Variants in DUSP4 observed in about 807,000 individuals in gnomAD.
The protein encoded by DUSP4 is dual specificity phosphatase 4, also known as dual specificity protein phosphatase 4.
DUSP4 carries 12 observed loss-of-function variants against 27.2 expected under a neutral mutation model. That is an observed-to-expected ratio of 0.44 (90% CI 0.28 to 0.71). The LOEUF (loss-of-function observed/expected upper bound fraction) is 0.71, where lower values mean the gene tolerates loss of function less well. DUSP4 is among the 30% of genes least tolerant of loss of function. DUSP4 has a pLI of 0.14. For missense variants in DUSP4, 448 were observed against 551.3 expected, an observed-to-expected ratio of 0.81 and a Z score of 1.88; for synonymous variants, 257 against 245.2, an observed-to-expected ratio of 1.05 and a Z score of -0.45.
At chr8:29,340,471 T>C (rs925306435) in intron 1 of DUSP4, among the ~76,000 whole-genome samples, 1 of 152,076 alleles carries the variant, frequency 6.6e-6, no homozygotes, top group South Asian at 2.1e-4. Context: ...GGATAAGCTT[T>C]ATGGACAAGA....
intron 1 of DUSP4, among the ~76,000 whole-genome samples, chr8:29,343,366 T>C (rs1239455190): frequency 6.6e-6 from 1 of 151,988 alleles, no homozygotes; most frequent in Admixed American, 6.6e-5. Context: ...GTGAGAACGA[T>C]ATGTTCTGGG....
Position 29,337,553 on chromosome 8 carries a change from A to C in DUSP4, c.800-142T>G. 8.4e-7 allele frequency: 1 copy of C among 1,184,654 alleles called. No individual in the cohort carries two copies. Among genetic ancestry groups the C allele is most frequent in the Non-Finnish European group, 1.2e-6 (1 of 866,220 alleles). 73.4% of individuals were successfully genotyped at this position (1,184,654 alleles called of 1,614,324 possible). On this transcript the variant is annotated intron_variant, in intron 3 of 3. Coordinates refer to ENST00000240100, the MANE Select transcript of DUSP4 (RefSeq NM_001394.7). This position sits in a 1 kb window ranked among gnomAD's most constrained non-coding sequence, Gnocchi z 6.4. ...CAAGGACTGGAGAGGAAGAAAACCCATGTAGGCAGGTCTCTAGAATGCCCC... is the reference window on the plus strand; with the variant it reads ...CAAGGACTGGAGAGGAAGAAAACCCCTGTAGGCAGGTCTCTAGAATGCCCC...
chr8:29,338,207 A>C, intron 3 of DUSP4, 75 bp downstream of exon 3: 1 of 1,500,936 alleles, frequency 6.7e-7, no homozygotes, highest in Non-Finnish European at 9.2e-7. Context: ...TCCACCTTCA[A>C]CCCAGGCTTA....
intron 1 of DUSP4, chr8:29,345,787 A>G: frequency 3.2e-6 from 4 of 1,250,046 alleles, no homozygotes; most frequent in Non-Finnish European, 4.0e-6. Flanking sequence ...ATCTGTCTTT[A>G]GTTACTTTTG....
At chr8:29,344,801 T>C (rs1384768597) in intron 1 of DUSP4, among the ~76,000 whole-genome samples, 3 of 151,546 alleles carry the variant, frequency 2.0e-5, no homozygotes, top group Non-Finnish European at 4.4e-5. Flanking sequence ...TGGGGAAGAC[T>C]GTCCTTTGGT....
intron 1 of DUSP4, chr8:29,348,384 AG>A (rs1206071851): frequency 2.0e-6 from 2 of 985,532 alleles, no homozygotes; most frequent in African/African-American, 1.7e-5. Context: ...TTCCGGGACA[AG>A]CCCCTTCCTG....
rs560385139 is a variant in DUSP4, at chr8:29,337,026, C to T, written c.1185G>A (p.Ter395=). Residue 395 remains the stop codon, a stop_retained_variant, in exon 4 of 4, where the codon TAG becomes TAA. Coordinates refer to ENST00000240100, the MANE Select transcript of DUSP4 (RefSeq NM_001394.7). The surrounding 1 kb of genome is among the most constrained non-coding windows in gnomAD (Gnocchi z 6.4). The part of the protein sequence containing the change: ...HSPITTSPSC[*] ...TGGTTCTGGGGCCCCCAGGGCGGCT[C>T]TAACAGCTGGGAGAGGTGGTGATGG... is the stretch of plus-strand genomic sequence containing the variant. 5 of 1,595,058 alleles carry T rather than the reference C, an allele frequency of 3.1e-6. No individual in the cohort carries two copies. In the East Asian group the frequency reaches 1.1e-4, roughly 36 times the overall value.
intron 1 of DUSP4, among the ~76,000 whole-genome samples, chr8:29,342,081 A>G (rs1196206993): frequency 6.6e-6 from 1 of 152,108 alleles, no homozygotes; most frequent in Admixed American, 6.5e-5. Flanking sequence ...CCTGCACTCA[A>G]AAGTGAATGG....
At chr8:29,339,503 G>C (rs1817624672) in intron 2 of DUSP4, among the ~76,000 whole-genome samples, 1 of 152,174 alleles carries the variant, frequency 6.6e-6, no homozygotes, top group Admixed American at 6.5e-5. Context: ...AGGTCCCCCA[G>C]GGCTTCTGGA....
Position 29,340,185 on chromosome 8 carries a change from C to T in DUSP4, c.492G>A (p.Leu164=). The T allele has an allele frequency of 6.2e-7, 1 of 1,613,446 alleles. No individual in the cohort carries two copies. The change falls in exon 2 of 4, where the codon CTG becomes CTA. Residue 164 remains leucine (L), a synonymous_variant. Coordinates refer to ENST00000240100, the MANE Select transcript of DUSP4 (RefSeq NM_001394.7). ...GGGGAACCGGGGGTGGGATGGCTGC[C>T]AGGGCCTTGGTTTTAGAACAGAATT... ...YPEFCSKTKA[L]AAIPPPVPPS...
Position 29,337,057 on chromosome 8 carries a change from T to G in DUSP4, c.1154A>C (p.His385Pro), listed in dbSNP as rs1401295584. Residue 385 changes from histidine (H) to proline (P), a missense_variant, in exon 4 of 4, where the codon CAC (histidine) becomes CCC (proline). His to Pro is a moderately conservative substitution (Grantham distance 77). This residue lies in a region of DUSP4 where 100 missense variants were observed against 139.8 expected (regional missense o/e 0.72). Coordinates refer to ENST00000240100, the MANE Select transcript of DUSP4 (RefSeq NM_001394.7). This position sits in a 1 kb window ranked among gnomAD's most constrained non-coding sequence, Gnocchi z 6.4. ...HSAPSSLPYL[H>P]SPITTSPSC ...GCTGGGAGAGGTGGTGATGGGGCTGTGCAGGTAGGGCAGGCTGCTGGGGGC... is the reference window on the plus strand; with the variant it reads ...GCTGGGAGAGGTGGTGATGGGGCTGGGCAGGTAGGGCAGGCTGCTGGGGGC... 4.4e-6 allele frequency: 7 copies of G among 1,605,812 alleles called. No homozygotes were observed. The East Asian group carries it at 1.6e-4, about 36-fold the overall frequency.
chr8:29,340,256 A>C lies in DUSP4; in HGVS notation c.434-13T>G. The C allele has an allele frequency of 6.2e-7, 1 of 1,602,336 alleles. No homozygotes were observed. The highest frequency in any genetic ancestry group is 8.5e-7 in the Non-Finnish European group (1 of 1,174,214). ...CTCTCATAGCCGCCTGTAAAGGAGA[A>C]AGAAGCTCAGGTTAATGGGGTCACT... On this transcript the variant is annotated splice_polypyrimidine_tract_variant and intron_variant, in intron 1 of 3. Coordinates refer to ENST00000240100, the MANE Select transcript of DUSP4 (RefSeq NM_001394.7).
In DUSP4 at chr8:29,350,084, G is replaced by A; in HGVS notation, c.195C>T (p.Val65=). Residue 65 remains valine, a synonymous_variant, in exon 1 of 4, where the codon GTC becomes GTT. Transcript: ENST00000240100. The stretch of plus-strand genomic sequence containing the variant: ...GCACGATGGTGTTACAGCGCACGTT[G>A]ACCGAACCTAGGATGTAGCCCGCGC... The part of the protein sequence containing the change: ...AHSAGYILGS[V]NVRCNTIVRR... 6.2e-7 allele frequency: 1 copy of A among 1,607,334 alleles called. No homozygotes were observed. The highest frequency in any genetic ancestry group is 1.1e-5 in the South Asian group (1 of 90,618).
At chr8:29,341,245 T>C (rs1028646132) in intron 1 of DUSP4, among the ~76,000 whole-genome samples, 1 of 152,376 alleles carries the variant, frequency 6.6e-6, no homozygotes, top group Middle Eastern at 3.4e-3. Flanking sequence ...AACAAACCCA[T>C]TCAACTGACT....
At chr8:29,348,335 T>A in intron 1 of DUSP4, 2 of 985,580 alleles carry the variant, frequency 2.0e-6, no homozygotes, top group Non-Finnish European at 2.4e-6. Flanking sequence ...CCCACCCTGG[T>A]GGCCTAACCA....
Position 29,350,306 on chromosome 8 carries a change from G to A in DUSP4, c.-28C>T. 1 of 1,550,124 alleles carries A rather than the reference G, an allele frequency of 6.5e-7. No individual in the cohort carries two copies. ...TCGCCGGGAACCGAGGCGGCTGGGC[G>A]CGCGAGGAAGAGAAGAGAACCCGGG... On this transcript the variant is annotated 5_prime_UTR_variant, in exon 1 of 4. Coordinates refer to ENST00000240100, the MANE Select transcript of DUSP4 (RefSeq NM_001394.7).
intron 1 of DUSP4, among the ~76,000 whole-genome samples, chr8:29,342,509 C>G (rs551101651): frequency 1.3e-5 from 2 of 152,220 alleles, no homozygotes; most frequent in South Asian, 4.2e-4. Context: ...AAAGAGGAAC[C>G]GGGGACAGGG....
chr8:29,335,270 G>C lies in DUSP4; in HGVS notation c.*1756C>G, dbSNP rs1817554532. Reference sequence around the variant, plus strand: ...TCCAAAGCCATTCTCCATTTAGAAAGGCCCAACTAAGGATTCAAAATGGCA... The same window carrying C: ...TCCAAAGCCATTCTCCATTTAGAAACGCCCAACTAAGGATTCAAAATGGCA... On this transcript the variant is annotated 3_prime_UTR_variant, in exon 4 of 4. Coordinates refer to ENST00000240100, the MANE Select transcript of DUSP4 (RefSeq NM_001394.7). 7.1e-6 allele frequency: 1 copy of C among 140,304 alleles called. No individual in the cohort carries two copies. The highest frequency in any genetic ancestry group is 2.3e-4 in the South Asian group (1 of 4,372). 8.7% of individuals were successfully genotyped at this position (140,304 alleles called of 1,614,324 possible).
At chr8:29,348,306 TCAAA>T in intron 1 of DUSP4, 1 of 985,472 alleles carries the variant, frequency 1.0e-6, no homozygotes, top group Non-Finnish European at 1.2e-6. Context: ...GCCGACAAGC[TCAAA>T]CAATGGCGCG....
Sources: gnomAD v4.1 joint callset for allele counts (sites outside exome capture counted in the v4.1 genomes callset) on GRCh38, gnomAD v4.1.1 for gene constraint, gnomAD v4.1.1 regional missense constraint, Gnocchi (gnomAD v3.1) non-coding constraint, MANE v1.5 for transcripts, NCBI Gene and HGNC (gene_info 2026-07-23, HGNC 2026-07-21) for gene names.